The following SMIM14 variants were observed in gnomAD, a reference collection of about 807,000 sequenced individuals.
SMIM14 encodes the protein chromosome 4 open reading frame 34.
SMIM14 carries 5 observed loss-of-function variants against 12.6 expected under a neutral mutation model. The ratio of observed to expected loss-of-function variants is 0.40; its 90% CI spans 0.21 to 0.83. The LOEUF is 0.83. Among genes scored for constraint, SMIM14 ranks in the 40% least tolerant of loss-of-function variants. The pLI is 0.37. For missense variants in SMIM14, 86 were observed against 119.1 expected (o/e 0.72, Z 1.29); for synonymous variants, 30 against 40.1 (o/e 0.75, Z 0.95).
chr4:39,565,252 T>G (rs911627851), intron 3 of SMIM14, among the ~76,000 whole-genome samples: 10 of 152,038 alleles, frequency 6.6e-5, no homozygotes, highest in African/African-American at 2.2e-4. Flanking sequence ...ATCAAAAGAG[T>G]AACAGGATTC....
intron 2 of SMIM14, among the ~76,000 whole-genome samples, chr4:39,598,578 CAT>C (rs1714469400): frequency 6.8e-6 from 1 of 147,586 alleles, no homozygotes; most frequent in Non-Finnish European, 1.5e-5. Flanking sequence ...ATGGTTGTAT[CAT>C]AAAGTTGTTT....
intron 1 of SMIM14, among the ~76,000 whole-genome samples, chr4:39,622,776 T>C (rs1317610323): frequency 6.6e-6 from 1 of 152,176 alleles, no homozygotes; most frequent in Non-Finnish European, 1.5e-5. Flanking sequence ...AACTTTAACA[T>C]CTGTTATCTC....
At position 39,606,028 on chromosome 4, in the gene SMIM14, G is replaced by A. The variant is rs1578351988; in HGVS notation, c.-35-848C>T. Among the ~76,000 whole-genome samples the A allele has an allele frequency of 4.0e-5, 6 of 151,514 alleles. No individual in the cohort carries two copies. In the South Asian group the frequency reaches 8.5e-4, roughly 22 times the overall value. On this transcript the variant is annotated intron_variant, in intron 1 of 4. Coordinates refer to ENST00000295958, the MANE Select transcript of SMIM14 (RefSeq NM_174921.3). ...GCTAGGATTACAAGTGTGAGCCACC[G>A]TGCCCGGCCAGAAACAATTGTTTTT... is the stretch of plus-strand genomic sequence containing the variant.
At chr4:39,582,447 T>C (rs1239915892) in intron 2 of SMIM14, among the ~76,000 whole-genome samples, 1 of 150,994 alleles carries the variant, frequency 6.6e-6, no homozygotes, top group Non-Finnish European at 1.5e-5. Flanking sequence ...GGTGGATCAC[T>C]TGAGGTCAGA....
chr4:39,594,596 T>G (rs1264992149), intron 2 of SMIM14: 2 of 148,378 alleles, frequency 1.3e-5, no homozygotes, highest in Admixed American at 1.3e-4. Context: ...CAAAAGAAAC[T>G]ACCATCAGAG....
intron 1 of SMIM14, among the ~76,000 whole-genome samples, chr4:39,623,109 C>G (rs936075454): frequency 6.6e-6 from 1 of 152,116 alleles, no homozygotes; most frequent in African/African-American, 2.4e-5. Context: ...ACGATCACAT[C>G]TAAAAAGAGT....
In SMIM14 at chr4:39,547,211, G is replaced by A. The variant is rs1285580495; in HGVS notation, c.*4915C>T. 1 of 152,138 alleles carries A rather than the reference G, an allele frequency of 6.6e-6. No homozygotes were observed. The highest frequency in any genetic ancestry group is 1.5e-5 in the Non-Finnish European group (1 of 68,018). 9.4% of individuals were successfully genotyped at this position (152,138 alleles called of 1,614,324 possible). ...AATGTCTTTAGTTAGGTCTTACAAA[G>A]AAACTGTTTAATACACAATGTTAAC... On this transcript the variant is annotated 3_prime_UTR_variant, in exon 5 of 5. Coordinates refer to ENST00000295958, the MANE Select transcript of SMIM14 (RefSeq NM_174921.3).
At chr4:39,628,948 G>C (rs1715807601) in intron 1 of SMIM14, among the ~76,000 whole-genome samples, 1 of 151,068 alleles carries the variant, frequency 6.6e-6, no homozygotes, top group South Asian at 2.1e-4. Flanking sequence ...GGACAGGCTG[G>C]TCTCGAACTC....
intron 1 of SMIM14, among the ~76,000 whole-genome samples, chr4:39,633,715 G>A (rs1405062724): frequency 6.6e-6 from 1 of 152,184 alleles, no homozygotes; most frequent in East Asian, 1.9e-4. Context: ...CCATGATCAC[G>A]CCACTAAATT....
chr4:39,583,247 CT>C (rs1713610474), intron 2 of SMIM14, among the ~76,000 whole-genome samples: 1 of 152,158 alleles, frequency 6.6e-6, no homozygotes, highest in East Asian at 1.9e-4. Context: ...TGCCACCACA[CT>C]GGGCTAATTT....
chr4:39,572,566 G>A (rs1231850885), intron 2 of SMIM14, 103 bp from the exon 3 acceptor site: 8 of 892,666 alleles, frequency 9.0e-6, no homozygotes, highest in African/African-American at 8.4e-5. Flanking sequence ...GCTCACGCCT[G>A]TAATCCCACA....
intron 2 of SMIM14, among the ~76,000 whole-genome samples, chr4:39,585,214 AG>A (rs1245545815): frequency 6.6e-6 from 1 of 152,006 alleles, no homozygotes; most frequent in East Asian, 1.9e-4. Context: ...AGCAATAGAA[AG>A]GGACATGTTT....
intron 1 of SMIM14, among the ~76,000 whole-genome samples, chr4:39,617,301 G>A (rs1168318475): frequency 6.6e-6 from 1 of 152,134 alleles, no homozygotes; most frequent in Non-Finnish European, 1.5e-5. Context: ...TAAGTGGCCT[G>A]GGGACAGAAT....
chr4:39,616,652 A>G (rs894942815), intron 1 of SMIM14, among the ~76,000 whole-genome samples: 8 of 151,346 alleles, frequency 5.3e-5, no homozygotes, highest in African/African-American at 1.2e-4. Context: ...AAAAAAAAAA[A>G]AAAAGAAAAG....
chr4:39,576,684 ATTTTTTTTTTTTTTTTTTTTTT>A (rs574142564), intron 2 of SMIM14, among the ~76,000 whole-genome samples: 9 of 25,552 alleles, frequency 3.5e-4, no homozygotes, highest in African/African-American at 6.2e-4. Context: ...ATATATATAT[ATTTTTTTTTTTTTTTTTTTTTT>A]TTTTTTTTTT....
At chr4:39,635,554 T>C (rs368177073) in intron 1 of SMIM14, among the ~76,000 whole-genome samples, 1 of 152,014 alleles carries the variant, frequency 6.6e-6, no homozygotes, top group African/African-American at 2.4e-5. Context: ...GCAGTAGGGA[T>C]GGGAAGAAGT....
intron 1 of SMIM14, among the ~76,000 whole-genome samples, chr4:39,619,867 TATA>T (rs1715407737): frequency 9.7e-5 from 7 of 72,384 alleles, no homozygotes; most frequent in Admixed American, 1.8e-4. Context: ...TATTTATATA[TATA>T]TATATATTTT....
chr4:39,571,404 C>T (rs1020098748), intron 3 of SMIM14, among the ~76,000 whole-genome samples: 1 of 151,806 alleles, frequency 6.6e-6, no homozygotes, highest in Non-Finnish European at 1.5e-5. Flanking sequence ...ATGGGAAGAC[C>T]GTGACTCTAC....
chr4:39,638,671 C>A (rs571801841), intron 1 of SMIM14, 68 bp downstream of exon 1: 2 of 983,528 alleles, frequency 2.0e-6, no homozygotes, highest in East Asian at 1.1e-4. Flanking sequence ...CTGAGGAGCC[C>A]CCAGGAAAAA....
Sources: gnomAD v4.1 joint callset for allele counts (sites outside exome capture counted in the v4.1 genomes callset) on GRCh38, gnomAD v4.1.1 for gene constraint, MANE v1.5 for transcripts, NCBI Gene and HGNC (gene_info 2026-07-23, HGNC 2026-07-21) for gene names.